CACNA2D4: variants seen among roughly 807,000 people sequenced by gnomAD.
The protein encoded by CACNA2D4 is calcium voltage-gated channel auxiliary subunit alpha2delta 4.
Under a neutral mutation model 163.8 loss-of-function variants are expected in CACNA2D4, and 157 were observed. The observed-to-expected ratio is 0.96, with a 90% CI of 0.84 to 1.09. The LOEUF is 1.09. Among genes scored for constraint, CACNA2D4 ranks in the 50% least tolerant of loss-of-function variants. The probability of loss-of-function intolerance (pLI) is 0.00; values close to 1 mark genes in which losing one functional copy is unlikely to be tolerated. For missense variants in CACNA2D4, 1,410 were observed against 1,479.9 expected, an observed-to-expected ratio of 0.95 and a Z score of 0.78; for synonymous variants, 598 against 586.9, an observed-to-expected ratio of 1.02 and a Z score of -0.27.
Position 1,844,425 on chromosome 12 carries a change from T to A in CACNA2D4, c.2447A>T (p.Asn816Ile). 1 of 1,613,476 alleles carries A rather than the reference T, an allele frequency of 6.2e-7. No homozygotes were observed. Among genetic ancestry groups the A allele is most frequent in the East Asian group, 2.2e-5 (1 of 44,860 alleles). Residue 816 changes from asparagine (N) to isoleucine (I), a missense_variant, in exon 25 of 38, where the codon AAC becomes ATC. Transcript: ENST00000382722. The surrounding 1 kb of genome is among the most constrained non-coding windows in gnomAD (Gnocchi z 4.2). ...SEHPAGSFVF[N>I]LRWAEGPESA... The stretch of plus-strand genomic sequence containing the variant: ...ACCTGGTCCTTCTGCCCAGCGGAGG[T>A]TGAAGACGAAGCTGCCAGCAGGATG...
At chr12:1,794,680 C>T (rs771649365) in intron 37 of CACNA2D4, among the ~76,000 whole-genome samples, 14 of 152,220 alleles carry the variant, frequency 9.2e-5, no homozygotes, top group Non-Finnish European at 1.9e-4. Context: ...GTGGAAGAGA[C>T]ACGTAGGCCA....
chr12:1,857,324 G>T (rs1865421817), intron 20 of CACNA2D4, among the ~76,000 whole-genome samples: 1 of 152,196 alleles, frequency 6.6e-6, no homozygotes, highest in African/African-American at 2.4e-5. Context: ...AAAGTGTGCT[G>T]GGAGAGGAGG....
chr12:1,864,349 T>C (rs903366776), intron 18 of CACNA2D4, among the ~76,000 whole-genome samples: 33 of 152,220 alleles, frequency 2.2e-4, no homozygotes, highest in Admixed American at 4.6e-4. Flanking sequence ...GAGTTCTATT[T>C]TGGTAAATAC....
At chr12:1,847,863 A>G (rs1865184272) in intron 23 of CACNA2D4, among the ~76,000 whole-genome samples, 1 of 30,630 alleles carries the variant, frequency 3.3e-5, no homozygotes. Flanking sequence ...AAATAGAAAT[A>G]ACATTTAAAA....
In CACNA2D4 at chr12:1,869,723, C is replaced by T. The variant is rs59742137; in HGVS notation, c.1878+4881G>A. On this transcript the variant is annotated intron_variant, in intron 18 of 37. Coordinates refer to ENST00000382722, the MANE Select transcript of CACNA2D4 (RefSeq NM_172364.5). This position sits in a 1 kb window ranked among gnomAD's most constrained non-coding sequence, Gnocchi z 4.7. ...ACAGTTTCATAAGGTCTAATCCCTACGATAAAATCCTACATTCTATCACTC... is the reference window on the plus strand; with the variant it reads ...ACAGTTTCATAAGGTCTAATCCCTATGATAAAATCCTACATTCTATCACTC... 0.027 allele frequency among the ~76,000 whole-genome samples: 4,080 copies of T among 152,264 alleles called. 171 individuals are homozygous for T. Among genetic ancestry groups the T allele is most frequent in the African/African-American group, 0.093 (3,862 of 41,520 alleles).
chr12:1,863,025 T>C (rs1304981676), intron 18 of CACNA2D4, among the ~76,000 whole-genome samples: 6 of 152,224 alleles, frequency 3.9e-5, no homozygotes, highest in Non-Finnish European at 7.3e-5. Context: ...TTGAGAAGAT[T>C]TTCCCCTATT....
At chr12:1,826,401 C>G (rs1486968358) in intron 26 of CACNA2D4, among the ~76,000 whole-genome samples, 13 of 13,782 alleles carry the variant, frequency 9.4e-4, no homozygotes, top group African/African-American at 2.3e-3. Context: ...GAACCCAGAG[C>G]CCCCCCCCCC....
At chr12:1,893,517 C>A (rs1172243574) in intron 6 of CACNA2D4, among the ~76,000 whole-genome samples, 1 of 151,650 alleles carries the variant, frequency 6.6e-6, no homozygotes, top group African/African-American at 2.4e-5. Flanking sequence ...AACTCCATCT[C>A]AAAAAAATAT....
intron 6 of CACNA2D4, among the ~76,000 whole-genome samples, chr12:1,891,237 G>T (rs1304112337): frequency 6.6e-6 from 1 of 152,132 alleles, no homozygotes; most frequent in Non-Finnish European, 1.5e-5. Context: ...GGATCATCTG[G>T]CATCCTTGTC....
chr12:1,851,680 T>TGTGTGTG (rs55736421), intron 23 of CACNA2D4, among the ~76,000 whole-genome samples: 6 of 26,758 alleles, frequency 2.2e-4, no homozygotes, highest in Admixed American at 4.6e-4. Context: ...TGTGTGTGCG[T>TGTGTGTG]TTTTTTTTTT....
At chr12:1,847,411 C>A (rs953817074) in intron 23 of CACNA2D4, among the ~76,000 whole-genome samples, 11 of 152,252 alleles carry the variant, frequency 7.2e-5, no homozygotes, top group African/African-American at 2.7e-4. Flanking sequence ...TTCCAAAGCA[C>A]TGCCAGGCTC....
At chr12:1,861,814 C>T (rs1365860471) in intron 18 of CACNA2D4, among the ~76,000 whole-genome samples, 4 of 152,120 alleles carry the variant, frequency 2.6e-5, no homozygotes, top group Non-Finnish European at 5.9e-5. Context: ...AGCTTCGATA[C>T]ATGTATCCAG....
chr12:1,834,799 C>G lies in CACNA2D4; in HGVS notation c.2551+5940G>C, dbSNP rs1864785366. On this transcript the variant is annotated intron_variant, in intron 26 of 37. Transcript: ENST00000382722. The surrounding 1 kb of genome is among the most constrained non-coding windows in gnomAD (Gnocchi z 7.6). ...GCTCAGCCACAGCTCCCACCTTGAC[C>G]CGGCGCTGGCCACTGCCTCCCCGAG... 1.4e-6 allele frequency: 2 copies of G among 1,476,124 alleles called. No individual in the cohort carries two copies. The highest frequency in any genetic ancestry group is 2.4e-5 in the Admixed American group (1 of 42,480). 91.4% of individuals were successfully genotyped at this position (1,476,124 alleles called of 1,614,324 possible). A position where few individuals can be genotyped will look rare whatever the true frequency, so the allele number is the denominator to read the frequency against.
In CACNA2D4 at chr12:1,828,132, G is replaced by A. The variant is rs1183404433; in HGVS notation, c.2551+12607C>T. 1 of 1,526,072 alleles carries A rather than the reference G, an allele frequency of 6.6e-7. No homozygotes were observed. Among genetic ancestry groups the A allele is most frequent in the Non-Finnish European group, 8.8e-7 (1 of 1,134,666 alleles). The allele number at this position is 1,526,072 out of a possible 1,614,324, so 94.5% of individuals were successfully genotyped here. ...TCTCCCCAGAGCGACAGGGCCCGGA[G>A]AGCCGTGGGCCTCACCATGCTGGCG... On this transcript the variant is annotated intron_variant, in intron 26 of 37. Coordinates refer to ENST00000382722, the MANE Select transcript of CACNA2D4 (RefSeq NM_172364.5). This position sits in a 1 kb window ranked among gnomAD's most constrained non-coding sequence, Gnocchi z 4.2.
chr12:1,797,480 C>T lies in CACNA2D4; in HGVS notation c.3051G>A (p.Val1017=), dbSNP rs2154445105. ...CCCGGATGGCCGGCTGGTACACGAA[C>T]ACGGGGTACTCCGTGTCGCAGGGCT... ...PLQPCDTEYP[V]FVYQPAIREA... The change falls in exon 35 of 38, where the codon GTG becomes GTA. Residue 1017 remains valine (V), a synonymous_variant. Coordinates refer to ENST00000382722, the MANE Select transcript of CACNA2D4 (RefSeq NM_172364.5). 2 of 1,586,572 alleles carry T rather than the reference C, an allele frequency of 1.3e-6. No homozygotes were observed. The highest frequency in any genetic ancestry group is 1.8e-5 in the Admixed American group (1 of 57,070).
chr12:1,850,494 G>A (rs1865252738), intron 23 of CACNA2D4, among the ~76,000 whole-genome samples: 1 of 152,150 alleles, frequency 6.6e-6, no homozygotes, highest in South Asian at 2.1e-4. Context: ...AATATATAGA[G>A]TAACCCTTTA....
intron 25 of CACNA2D4, among the ~76,000 whole-genome samples, chr12:1,842,793 C>T (rs1390772033): frequency 1.3e-5 from 2 of 152,164 alleles, no homozygotes; most frequent in African/African-American, 4.8e-5. Flanking sequence ...GTGCTGCTAT[C>T]GAGGGTGTGG....
At chr12:1,857,903 T>C (rs980157125) in intron 20 of CACNA2D4, among the ~76,000 whole-genome samples, 5 of 152,002 alleles carry the variant, frequency 3.3e-5, no homozygotes, top group Non-Finnish European at 5.9e-5. Flanking sequence ...CCCATATGAG[T>C]GGTGTCCTTA....
chr12:1,852,764 TGTA>T (rs1865312787), intron 23 of CACNA2D4, among the ~76,000 whole-genome samples: 1 of 152,164 alleles, frequency 6.6e-6, no homozygotes, highest in Non-Finnish European at 1.5e-5. Flanking sequence ...TCCAGCCCTC[TGTA>T]GAAGGCACAA....
Sources: allele counts gnomAD v4.1 joint callset (sites outside exome capture counted in the v4.1 genomes callset), GRCh38; gene constraint gnomAD v4.1.1; non-coding constraint Gnocchi (gnomAD v3.1); transcripts MANE v1.5; gene names NCBI Gene and HGNC (gene_info 2026-07-23, HGNC 2026-07-21).